Variants in TBC1D14 observed in about 807,000 individuals in gnomAD.
TBC1D14 encodes the protein TBC1 domain family, member 14.
A neutral mutation model predicts 79.0 loss-of-function variants in TBC1D14; 26 were observed. The ratio of observed to expected loss-of-function variants is 0.33; its 90% CI spans 0.24 to 0.46. The LOEUF (loss-of-function observed/expected upper bound fraction) is 0.46. TBC1D14 is among the 20% of genes least tolerant of loss of function. The pLI is 1.00. For missense variants in TBC1D14, 769 were observed against 887.6 expected, an observed-to-expected ratio of 0.87 and a Z score of 1.70; for synonymous variants, 394 against 349.9, an observed-to-expected ratio of 1.13 and a Z score of -1.40.
chr4:7,024,943 A>T, intron 12 of TBC1D14, 61 bp from the exon 13 acceptor site: 1 of 1,592,350 alleles, frequency 6.3e-7, no homozygotes, highest in Non-Finnish European at 8.6e-7. Flanking sequence ...ACTGGAATTC[A>T]CTGTTCTTTC....
intron 3 of TBC1D14, chr4:6,987,071 C>T (rs941260791): frequency 8.6e-6 from 7 of 814,916 alleles, no homozygotes; most frequent in Non-Finnish European, 9.5e-6. Context: ...ACCACGGGGA[C>T]GCCCCAGCCC....
intron 12 of TBC1D14, among the ~76,000 whole-genome samples, chr4:7,020,587 T>A (rs548918933): frequency 6.1e-4 from 93 of 152,340 alleles, no homozygotes; most frequent in Middle Eastern, 3.4e-3. Context: ...AAGGTCCAAG[T>A]TGCTGGTTTT....
At chr4:6,942,177 TAGG>T (rs1308280217) in intron 2 of TBC1D14, among the ~76,000 whole-genome samples, 1 of 152,224 alleles carries the variant, frequency 6.6e-6, no homozygotes, top group African/African-American at 2.4e-5. Context: ...CTATCTTAAA[TAGG>T]AGATTATTTA....
rs373435463 is a variant in TBC1D14 at position 6,923,425 on chromosome 4, C to G, written c.36C>G (p.Gly12=). Reference sequence around the variant, plus strand: ...GAAAACTCTCCACCTCTACAAATGGCGTAGCCTTCATGGGTATTCTGGATG... The same window carrying G: ...GAAAACTCTCCACCTCTACAAATGGGGTAGCCTTCATGGGTATTCTGGATG... ...TDGKLSTSTN[G]VAFMGILDGR... Residue 12 remains glycine (G), a synonymous_variant, in exon 2 of 14, where the codon GGC becomes GGG. Transcript: ENST00000409757. 1.2e-6 allele frequency: 2 copies of G among 1,613,742 alleles called. No individual in the cohort carries two copies. Among genetic ancestry groups the G allele is most frequent in the Non-Finnish European group, 1.7e-6 (2 of 1,179,848 alleles).
At chr4:7,001,009 C>CT in intron 6 of TBC1D14, 136 bp from the exon 7 acceptor site, 2 of 685,350 alleles carry the variant, frequency 2.9e-6, no homozygotes, top group South Asian at 1.8e-5. Flanking sequence ...GCCCTGGACT[C>CT]TAAGCTTCCT....
In TBC1D14 at chr4:6,923,914, G is replaced by A. The variant is rs762945073; in HGVS notation, c.525G>A (p.Glu175=). Residue 175 remains glutamate (E), a synonymous_variant, in exon 2 of 14, where the codon GAG becomes GAA. Coordinates refer to ENST00000409757, the MANE Select transcript of TBC1D14 (RefSeq NM_020773.3). ...CCACCACGCTGTCCGTCAGCAATGAGGACATCTTGGACCTTGTGGTCACGA... is the reference window on the plus strand; with the variant it reads ...CCACCACGCTGTCCGTCAGCAATGAAGACATCTTGGACCTTGTGGTCACGA... ...ELSTTLSVSN[E]DILDLVVTSS... 16 of 1,614,176 alleles carry A rather than the reference G, an allele frequency of 9.9e-6. No individual in the cohort carries two copies. The South Asian group carries it at 1.8e-4, about 18-fold the overall frequency.
rs984723116 is a variant in TBC1D14, at chr4:7,001,164, C to T, written c.1183C>T (p.Arg395Ter). 6 of 1,613,870 alleles carry T rather than the reference C, an allele frequency of 3.7e-6. No homozygotes were observed. The highest frequency in any genetic ancestry group is 4.2e-6 in the Non-Finnish European group (5 of 1,180,008). ...WETMWCSRKV[R>*]DLWWQGIPPS... ...GTCCAGGTGGTGCTCTAGAAAAGTT[C>T]GAGATTTATGGTGGCAGGGAATCCC... Residue 395 changes from arginine (R) to a stop codon, truncating the protein, a stop_gained, in exon 7 of 14, where the codon CGA (arginine) becomes TGA (stop). Transcript: ENST00000409757. LOFTEE classifies it high-confidence loss of function.
intron 2 of TBC1D14, 111 bp downstream of exon 2, chr4:6,924,222 C>G (rs1254132812): frequency 7.2e-7 from 1 of 1,397,510 alleles, no homozygotes; most frequent in South Asian, 1.5e-5. Context: ...CAGGCACTGT[C>G]TCACACAGAT....
At chr4:7,005,767 C>A (rs1429198402) in intron 8 of TBC1D14, among the ~76,000 whole-genome samples, 3 of 152,010 alleles carry the variant, frequency 2.0e-5, no homozygotes, top group Non-Finnish European at 1.5e-5. Context: ...CTGGAGGGCC[C>A]GTCATAACCA....
chr4:6,933,211 A>C (rs1711925484), intron 2 of TBC1D14, among the ~76,000 whole-genome samples: 1 of 137,676 alleles, frequency 7.3e-6, no homozygotes, highest in Non-Finnish European at 1.5e-5. Flanking sequence ...GGGCTCACTG[A>C]AATTGTGTAA....
At chr4:6,933,367 C>T (rs1294170833) in intron 2 of TBC1D14, among the ~76,000 whole-genome samples, 3 of 147,330 alleles carry the variant, frequency 2.0e-5, no homozygotes, top group Non-Finnish European at 4.5e-5. Flanking sequence ...TTCACTGGTG[C>T]CATCATAGCT....
chr4:7,031,105 G>T lies in TBC1D14; in HGVS notation c.*713G>T, dbSNP rs560952263. On this transcript the variant is annotated 3_prime_UTR_variant, in exon 14 of 14. Transcript: ENST00000409757. ...TCGGTCCTGCGGAGGTGGAAAGTTC[G>T]AGAGGAGGAGCTATTTGCGAGGAAG... The T allele has an allele frequency of 6.6e-6, 1 of 152,392 alleles. No individual in the cohort carries two copies. The highest frequency in any genetic ancestry group is 1.5e-5 in the Non-Finnish European group (1 of 68,136). 9.4% of individuals were successfully genotyped at this position (152,392 alleles called of 1,614,324 possible). A position where few individuals can be genotyped will look rare whatever the true frequency, so the allele number is the denominator to read the frequency against.
At chr4:6,996,505 C>G (rs1719056740) in intron 5 of TBC1D14, 98 bp downstream of exon 5, 2 of 872,092 alleles carry the variant, frequency 2.3e-6, no homozygotes, top group Non-Finnish European at 1.8e-6. Flanking sequence ...AGAACCTGAA[C>G]TTCAGTCTTT....
chr4:6,976,787 T>G (rs1716748491), intron 3 of TBC1D14, among the ~76,000 whole-genome samples: 1 of 152,086 alleles, frequency 6.6e-6, no homozygotes, highest in Non-Finnish European at 1.5e-5. Flanking sequence ...TGAAAGCAAG[T>G]AGATGTTGCC....
rs1230903395 is a variant in TBC1D14 at position 7,009,915 on chromosome 4, C to T, written c.1485C>T (p.Gly495=). ...PYHDMLHSIL[G]AYTCYRPDVG... ...ATGACATGTTGCACAGTATTTTGGG[C>T]GCTTATACTTGTTACCGGCCAGATG... is the stretch of plus-strand genomic sequence containing the variant. Residue 495 remains glycine, a synonymous_variant, in exon 10 of 14, where the codon GGC becomes GGT. Coordinates refer to ENST00000409757, the MANE Select transcript of TBC1D14 (RefSeq NM_020773.3). 3.1e-6 allele frequency: 5 copies of T among 1,614,058 alleles called. No individual in the cohort carries two copies. Among genetic ancestry groups the T allele is most frequent in the East Asian group, 2.2e-5 (1 of 44,888 alleles).
At chr4:6,941,072 C>G (rs191960710) in intron 2 of TBC1D14, among the ~76,000 whole-genome samples, 1 of 151,872 alleles carries the variant, frequency 6.6e-6, no homozygotes, top group African/African-American at 2.4e-5. Context: ...TTGGCTGTTC[C>G]GTGATCAACC....
chr4:6,927,432 A>G (rs1724379655), intron 2 of TBC1D14, among the ~76,000 whole-genome samples: 1 of 152,164 alleles, frequency 6.6e-6, no homozygotes, highest in Admixed American at 6.5e-5. Context: ...GGATAAAACT[A>G]CTGTATAAGG....
rs533852973 is a variant in TBC1D14 at position 6,917,316 on chromosome 4, G to A, written c.-17-6057G>A. ...AGAATAGTTCCCAGAAATGATGAGAGCTGTGTCTGCCTGCAGCATAGAATG... is the reference window on the plus strand; with the variant it reads ...AGAATAGTTCCCAGAAATGATGAGAACTGTGTCTGCCTGCAGCATAGAATG... On this transcript the variant is annotated intron_variant, in intron 1 of 13. Transcript: ENST00000409757. Among the ~76,000 whole-genome samples the A allele has an allele frequency of 1.1e-3, 173 of 152,344 alleles. 3 individuals are homozygous for A. The highest frequency in any genetic ancestry group is 3.9e-3 in the Admixed American group (60 of 15,296).
At chr4:6,987,672 T>G in intron 3 of TBC1D14, 2 of 318,908 alleles carry the variant, frequency 6.3e-6, no homozygotes. Flanking sequence ...TTACCCTGTT[T>G]TCAGAGCCGG....
Sources: allele counts gnomAD v4.1 joint callset (sites outside exome capture counted in the v4.1 genomes callset), GRCh38; gene constraint gnomAD v4.1.1; transcripts MANE v1.5; gene names NCBI Gene and HGNC (gene_info 2026-07-23, HGNC 2026-07-21).